HPSE2: variants seen among roughly 807,000 people sequenced by gnomAD.
HPSE2 encodes heparanase 2 (inactive).
Under a neutral mutation model 60.5 loss-of-function variants are expected in HPSE2, and 38 were observed. That is an observed-to-expected ratio of 0.63 (90% CI 0.48 to 0.82). HPSE2 has a LOEUF of 0.82. Ranked by LOEUF, HPSE2 falls within the 40% of genes least tolerant of loss-of-function variation. HPSE2 has a pLI of 0.00. For synonymous variants in HPSE2, 295 were observed against 293.2 expected (o/e 1.01, Z -0.06); for missense variants, 713 against 740.4 (o/e 0.96, Z 0.43).
At position 99,099,189 on chromosome 10, in the gene HPSE2, C is replaced by T. The variant is rs765218167; in HGVS notation, c.610+45049G>A. ...CCACCGAGTGTGAGCTGAAGCAGCG[C>T]GAGGCATCGCCTCACCCAGCAAGTG... is the stretch of plus-strand genomic sequence containing the variant. On this transcript the variant is annotated intron_variant, in intron 3 of 11. Coordinates refer to ENST00000370552, the MANE Select transcript of HPSE2 (RefSeq NM_021828.5). 4.3e-4 allele frequency among the ~76,000 whole-genome samples: 66 copies of T among 152,166 alleles called. 1 individual carries two copies. Among genetic ancestry groups the T allele is most frequent in the South Asian group, 2.1e-4 (1 of 4,830 alleles).
At chr10:98,813,161 A>C (rs1308281384) in intron 3 of HPSE2, among the ~76,000 whole-genome samples, 1 of 152,116 alleles carries the variant, frequency 6.6e-6, no homozygotes, top group Non-Finnish European at 1.5e-5. Flanking sequence ...TCCCAGGAAA[A>C]CTGCTTTCTG....
chr10:98,552,575 C>G (rs988753282), intron 9 of HPSE2, among the ~76,000 whole-genome samples: 1 of 152,168 alleles, frequency 6.6e-6, no homozygotes, highest in African/African-American at 2.4e-5. Context: ...AGAAGGACCT[C>G]TACTTGGTGG....
intron 6 of HPSE2, among the ~76,000 whole-genome samples, chr10:98,649,866 A>T (rs1946870745): frequency 6.6e-6 from 1 of 152,214 alleles, no homozygotes; most frequent in African/African-American, 2.4e-5. Flanking sequence ...ACAGCAACCA[A>T]TTCAGGCTGC....
chr10:98,908,987 G>A (rs932643525), intron 3 of HPSE2, among the ~76,000 whole-genome samples: 3 of 152,128 alleles, frequency 2.0e-5, no homozygotes, highest in Non-Finnish European at 4.4e-5. Flanking sequence ...GGGTGGGAAT[G>A]GTATAGGGCA....
At chr10:99,048,409 G>C (rs1483515986) in intron 3 of HPSE2, 3 of 262,434 alleles carry the variant, frequency 1.1e-5, no homozygotes, top group Middle Eastern at 1.3e-3. Context: ...CATTCAAAAA[G>C]GGGCAAAGGA....
intron 3 of HPSE2, among the ~76,000 whole-genome samples, chr10:98,988,076 A>C (rs1228765833): frequency 2.0e-5 from 3 of 152,370 alleles, no homozygotes; most frequent in South Asian, 2.1e-4. Flanking sequence ...TGCCCAAGGT[A>C]ATTTATAGAT....
At chr10:99,010,152 A>G (rs1334666412) in intron 3 of HPSE2, among the ~76,000 whole-genome samples, 3 of 152,270 alleles carry the variant, frequency 2.0e-5, no homozygotes, top group Non-Finnish European at 4.4e-5. Flanking sequence ...TACTGTGCTT[A>G]AAGAGGACAT....
rs183909497 is a variant in HPSE2 at position 98,826,115 on chromosome 10, T to C, written c.611-82059A>G. ...TATCATCATTTGATTTTTATGTTTT[T>C]ATTTCCCCACTAAAATGTATGCTCC... On this transcript the variant is annotated intron_variant, in intron 3 of 11. Transcript: ENST00000370552. Among the ~76,000 whole-genome samples the C allele has an allele frequency of 7.4e-3, 1,120 of 152,350 alleles. 7 individuals carry two copies. Among genetic ancestry groups the C allele is most frequent in the Admixed American group, 0.019 (284 of 15,298 alleles).
intron 3 of HPSE2, among the ~76,000 whole-genome samples, chr10:99,119,671 C>T (rs192836228): frequency 2.0e-4 from 30 of 152,278 alleles, no homozygotes; most frequent in Middle Eastern, 3.4e-3. Flanking sequence ...GGAGGCATTA[C>T]ATCATACTAC....
intron 3 of HPSE2, among the ~76,000 whole-genome samples, chr10:98,850,214 G>A (rs1435433232): frequency 6.6e-6 from 1 of 152,084 alleles, no homozygotes; most frequent in Non-Finnish European, 1.5e-5. Context: ...AGGCCTCTCT[G>A]TAGCACACAA....
At chr10:98,742,209 CAACT>C (rs1949514222) in intron 4 of HPSE2, among the ~76,000 whole-genome samples, 2 of 152,044 alleles carry the variant, frequency 1.3e-5, no homozygotes, top group Admixed American at 6.6e-5. Flanking sequence ...TCCATTTGGT[CAACT>C]AACTATCCCC....
At chr10:99,125,370 G>C (rs1031533921) in intron 3 of HPSE2, among the ~76,000 whole-genome samples, 1 of 152,192 alleles carries the variant, frequency 6.6e-6, no homozygotes, top group Non-Finnish European at 1.5e-5. Context: ...TATGGCATGG[G>C]AGAGGCCACT....
At chr10:99,006,478 G>A (rs777622294) in intron 3 of HPSE2, among the ~76,000 whole-genome samples, 4 of 152,172 alleles carry the variant, frequency 2.6e-5, no homozygotes, top group Non-Finnish European at 4.4e-5. Flanking sequence ...ATTAAAGCCT[G>A]AAAAGGGGCT....
At chr10:98,759,157 G>A (rs1371239471) in intron 3 of HPSE2, among the ~76,000 whole-genome samples, 1 of 145,040 alleles carries the variant, frequency 6.9e-6, no homozygotes, top group African/African-American at 2.5e-5. Context: ...ACACAAAGAA[G>A]GGAAAAATAG....
chr10:98,530,389 C>T (rs1257498242), intron 9 of HPSE2, among the ~76,000 whole-genome samples: 5 of 152,270 alleles, frequency 3.3e-5, no homozygotes, highest in African/African-American at 7.2e-5. Flanking sequence ...ATTCTGATTC[C>T]GTAAGACTGA....
chr10:98,920,297 C>A (rs1157211611), intron 3 of HPSE2, among the ~76,000 whole-genome samples: 1 of 152,134 alleles, frequency 6.6e-6, no homozygotes, highest in African/African-American at 2.4e-5. Flanking sequence ...TTCTTTCTTT[C>A]CTCTGCTCCT....
chr10:99,099,132 T>C (rs1015001753), intron 3 of HPSE2, among the ~76,000 whole-genome samples: 12 of 152,158 alleles, frequency 7.9e-5, no homozygotes, highest in African/African-American at 2.4e-4. Context: ...CTGGGGCTTG[T>C]CAGACAGTGG....
intron 3 of HPSE2, among the ~76,000 whole-genome samples, chr10:98,894,296 C>T (rs1410469181): frequency 1.3e-5 from 2 of 152,014 alleles, no homozygotes; most frequent in East Asian, 3.9e-4. Flanking sequence ...TAGAATTGGA[C>T]CCCAGAATAT....
rs1323589629 is a variant in HPSE2, at chr10:98,644,798, T to C, written c.1005-2858A>G. 3.3e-5 allele frequency among the ~76,000 whole-genome samples: 5 copies of C among 152,202 alleles called. No homozygotes were observed. The East Asian group carries it at 5.8e-4, about 18-fold the overall frequency. Reference sequence around the variant, plus strand: ...GCTCCTTCATGTGATACATGGGAGATGAAATCCAGCAACCTTGGCTTAAGC... The same window carrying C: ...GCTCCTTCATGTGATACATGGGAGACGAAATCCAGCAACCTTGGCTTAAGC... On this transcript the variant is annotated intron_variant, in intron 6 of 11. Transcript: ENST00000370552.
Sources: allele counts gnomAD v4.1 joint callset (sites outside exome capture counted in the v4.1 genomes callset), GRCh38; gene constraint gnomAD v4.1.1; transcripts MANE v1.5; gene names NCBI Gene and HGNC (gene_info 2026-07-23, HGNC 2026-07-21).